REXO5: variants seen among roughly 807,000 people sequenced by gnomAD.
The protein encoded by REXO5 is RNA exonuclease 5, also known as exonuclease NEF-sp.
A neutral mutation model predicts 88.5 loss-of-function variants in REXO5; 48 were observed. That is an observed-to-expected ratio of 0.54 (90% CI 0.43 to 0.69). The LOEUF (loss-of-function observed/expected upper bound fraction) is 0.69, where lower values mean the gene tolerates loss of function less well. REXO5 is among the 30% of genes least tolerant of loss of function. The pLI is 0.00. For synonymous variants in REXO5, 311 were observed against 336.5 expected, an observed-to-expected ratio of 0.92 and a Z score of 0.83; for missense variants, 749 against 912.2, an observed-to-expected ratio of 0.82 and a Z score of 2.30.
In REXO5 at chr16:20,849,471, G is replaced by A; in HGVS notation, c.2316G>A (p.Leu772=). The change falls in exon 20 of 20, where the codon CTG becomes CTA. Residue 772 remains leucine (L), a synonymous_variant. Transcript: ENST00000261377. The part of the protein sequence containing the change: ...KEEEESAGPG[L]CS ...AAGAAGAAAGCGCTGGCCCAGGCCT[G>A]TGTTCGTGAGTCGGCCTGCCATGTT... The A allele has an allele frequency of 2.5e-6, 4 of 1,614,022 alleles. No individual in the cohort carries two copies. Among genetic ancestry groups the A allele is most frequent in the Non-Finnish European group, 3.4e-6 (4 of 1,179,880 alleles).
intron 9 of REXO5, 64 bp downstream of exon 9, chr16:20,827,260 TAA>T: frequency 6.2e-7 from 1 of 1,608,772 alleles, no homozygotes; most frequent in Non-Finnish European, 8.5e-7. Context: ...ATCTCAAATC[TAA>T]AGTCTTGGGC....
chr16:20,814,855 A>G, intron 3 of REXO5, 72 bp from the exon 4 acceptor site: 1 of 1,447,316 alleles, frequency 6.9e-7, no homozygotes. Context: ...CTTCTCCCCT[A>G]TTTCCCCTCT....
In REXO5 at chr16:20,846,270, A is replaced by T. The variant is rs760059207; in HGVS notation, c.2174A>T (p.Lys725Met). Residue 725 changes from lysine (K) to methionine (M), a missense_variant, in exon 19 of 20, where the codon AAG (lysine) becomes ATG (methionine). Physicochemically the swap from Lys to Met is moderately conservative, Grantham distance 95. Transcript: ENST00000261377. ...PKIAAWRWSR[K>M]IGKLYNSLCP... is the part of the protein sequence containing the mutation. ...ATAGCAGCCTGGCGCTGGAGCCGGA[A>T]GATTGGAAAGCTCTACAACAGCTTG... is the stretch of plus-strand genomic sequence containing the variant. 5.0e-6 allele frequency: 8 copies of T among 1,614,054 alleles called. No homozygotes were observed. The highest frequency in any genetic ancestry group is 5.9e-6 in the Non-Finnish European group (7 of 1,179,946).
At chr16:20,811,389 T>C (rs1209830790) in intron 2 of REXO5, among the ~76,000 whole-genome samples, 2 of 152,260 alleles carry the variant, frequency 1.3e-5, no homozygotes, top group Non-Finnish European at 2.9e-5. Context: ...CATCATAATG[T>C]TGTTTGTAAT....
chr16:20,829,569 G>A (rs2081309523), intron 11 of REXO5, among the ~76,000 whole-genome samples: 1 of 152,138 alleles, frequency 6.6e-6, no homozygotes, highest in Non-Finnish European at 1.5e-5. Flanking sequence ...ATAGTCTTTT[G>A]TGTCAGGTGG....
intron 8 of REXO5, 119 bp downstream of exon 8, chr16:20,826,067 G>A: frequency 1.5e-6 from 1 of 653,182 alleles, no homozygotes; most frequent in Non-Finnish European, 2.7e-6. Context: ...ATTATCAAAG[G>A]TTAGGGCATC....
chr16:20,822,626 T>G (rs2081202076), intron 6 of REXO5, among the ~76,000 whole-genome samples: 1 of 152,218 alleles, frequency 6.6e-6, no homozygotes. Context: ...TATATATAGA[T>G]TTACCCATTC....
At chr16:20,821,317 C>T (rs367586306) in intron 5 of REXO5, among the ~76,000 whole-genome samples, 32 of 152,186 alleles carry the variant, frequency 2.1e-4, no homozygotes, top group Non-Finnish European at 3.8e-4. Flanking sequence ...GACGGAGTCT[C>T]GCTCTGCTGC....
intron 2 of REXO5, among the ~76,000 whole-genome samples, chr16:20,811,931 TAGAA>T (rs927725112): frequency 4.6e-5 from 7 of 152,276 alleles, no homozygotes; most frequent in Non-Finnish European, 7.4e-5. Flanking sequence ...AACTGAGTCT[TAGAA>T]AGGCTATGGC....
At position 20,806,670 on chromosome 16, in the gene REXO5, G is replaced by T; in HGVS notation, c.-38G>T. ...CACCTTCCTTCTTTGCCAGGCAGAC[G>T]CCCGTTGTAGCCGTTGGGGAACCGT... On this transcript the variant is annotated 5_prime_UTR_variant, in exon 1 of 20. Coordinates refer to ENST00000261377, the MANE Select transcript of REXO5 (RefSeq NM_030941.3). 4.6e-6 allele frequency: 5 copies of T among 1,085,202 alleles called. No individual in the cohort carries two copies. Among genetic ancestry groups the T allele is most frequent in the African/African-American group, 1.6e-5 (1 of 62,944 alleles). The allele number at this position is 1,085,202 out of a possible 1,614,324, so 67.2% of individuals were successfully genotyped here.
In REXO5 at chr16:20,844,855, T is replaced by C; in HGVS notation, c.1936+10T>C. 1 of 1,607,790 alleles carries C rather than the reference T, an allele frequency of 6.2e-7. No individual in the cohort carries two copies. The highest frequency in any genetic ancestry group is 1.3e-5 in the African/African-American group (1 of 74,930). On this transcript the variant is annotated intron_variant, in intron 17 of 19. Transcript: ENST00000261377. Reference sequence around the variant, plus strand: ...AAATACTGTTTCCTGAGTAAGTCTATGCTACTGAATGTAGCTTTGGGGAAG... The same window carrying C: ...AAATACTGTTTCCTGAGTAAGTCTACGCTACTGAATGTAGCTTTGGGGAAG...
rs966429282 is a variant in REXO5, at chr16:20,832,158, T to G, written c.1161T>G (p.Ile387Met). ...RYFLKHGPKK[I>M]AELNLEALAN... ...TTTACCACTTTGTTTTCTTCAAGAT[T>G]GCAGAACTAAATCTAGAAGCACTAG... Residue 387 changes from isoleucine to methionine, a missense_variant and splice_region_variant, in exon 12 of 20, where the codon ATT becomes ATG. Ile to Met is a conservative substitution (Grantham distance 10). Transcript: ENST00000261377. 2.5e-6 allele frequency: 4 copies of G among 1,599,514 alleles called. No homozygotes were observed. Among genetic ancestry groups the G allele is most frequent in the Non-Finnish European group, 3.4e-6 (4 of 1,171,214 alleles).
chr16:20,813,344 CTT>C (rs56875427), intron 3 of REXO5, 42 bp downstream of exon 3: 59,332 of 592,298 alleles, frequency 0.1, no homozygotes, highest in East Asian at 0.11. Context: ...CCAGCGGTTT[CTT>C]TTTTTTTTTT....
intron 13 of REXO5, among the ~76,000 whole-genome samples, chr16:20,838,239 C>T (rs2081467744): frequency 6.6e-6 from 1 of 152,118 alleles, no homozygotes; most frequent in Non-Finnish European, 1.5e-5. Context: ...GGGATTCTCT[C>T]TCCCTTTCCT....
chr16:20,813,217 A>T lies in REXO5; in HGVS notation c.166A>T (p.Thr56Ser). ...AGCCCGCTTATCTACCATTTTATTT[A>T]CTGACAACTGTGAAGTAACCCATGA... ...KKARLSTILF[T>S]DNCEVTHDQL... Residue 56 changes from threonine (T) to serine (S), a missense_variant, in exon 3 of 20, where the codon ACT becomes TCT. Coordinates refer to ENST00000261377, the MANE Select transcript of REXO5 (RefSeq NM_030941.3). 2 of 1,613,748 alleles carry T rather than the reference A, an allele frequency of 1.2e-6. No individual in the cohort carries two copies. The highest frequency in any genetic ancestry group is 1.7e-6 in the Non-Finnish European group (2 of 1,179,724).
At chr16:20,818,672 G>A (rs533024199) in intron 5 of REXO5, among the ~76,000 whole-genome samples, 2 of 152,274 alleles carry the variant, frequency 1.3e-5, no homozygotes, top group East Asian at 3.9e-4. Context: ...GTTTCACCAT[G>A]TTTGGCCAGG....
chr16:20,833,117 T>C lies in REXO5; in HGVS notation c.1377T>C (p.Asn459=). 6.2e-7 allele frequency: 1 copy of C among 1,613,154 alleles called. No individual in the cohort carries two copies. The highest frequency in any genetic ancestry group is 1.3e-5 in the African/African-American group (1 of 75,042). Residue 459 remains asparagine, a synonymous_variant, in exon 13 of 20, where the codon AAT becomes AAC. Coordinates refer to ENST00000261377, the MANE Select transcript of REXO5 (RefSeq NM_030941.3). The stretch of plus-strand genomic sequence containing the variant: ...GTCAAACTATTAAGTGTCTTTCAAA[T>C]AAAGAGGTGAGTGGCCTGCTGAACC... ...RNCQTIKCLS[N]KEVLEQARVE...
At chr16:20,815,165 A>T in intron 4 of REXO5, 112 bp downstream of exon 4, 1 of 1,229,678 alleles carries the variant, frequency 8.1e-7, no homozygotes, top group Non-Finnish European at 1.1e-6. Context: ...ACAGTAGGGG[A>T]TATAGAAAGC....
chr16:20,826,466 A>G (rs939175450), intron 8 of REXO5, among the ~76,000 whole-genome samples: 10 of 152,220 alleles, frequency 6.6e-5, no homozygotes, highest in Admixed American at 5.2e-4. Context: ...TACTGTTCCC[A>G]TCCGTTGACG....
Sources: allele counts gnomAD v4.1 joint callset (sites outside exome capture counted in the v4.1 genomes callset), GRCh38; gene constraint gnomAD v4.1.1; transcripts MANE v1.5; gene names NCBI Gene and HGNC (gene_info 2026-07-23, HGNC 2026-07-21).